CEP44: variants seen among roughly 807,000 people sequenced by gnomAD.
CEP44 encodes the protein centrosomal protein of 44 kDa.
In CEP44, 45 loss-of-function variants were observed where a neutral mutation model predicts 46.7. That is an observed-to-expected ratio of 0.96 (90% CI 0.76 to 1.24). The LOEUF (loss-of-function observed/expected upper bound fraction) is 1.24. Ranked by LOEUF, CEP44 falls within the 50% of genes most tolerant of loss-of-function variation. CEP44 has a pLI of 0.00. For synonymous variants in CEP44, 142 were observed against 146.0 expected (o/e 0.97, Z 0.20); for missense variants, 475 against 459.7 (o/e 1.03, Z -0.30).
downstream of CEP44, among the ~76,000 whole-genome samples, chr4:174,323,094 G>T (rs1227345350): frequency 6.6e-6 from 1 of 151,652 alleles, no homozygotes; most frequent in Non-Finnish European, 1.5e-5. Context: ...GGCATACAAG[G>T]TATTAAAAAA....
In CEP44 at chr4:174,314,062, GC is replaced by G. The variant is rs1274631876; in HGVS notation, c.962-2102del. Reference sequence around the variant, plus strand: ...TTCCCTTCGTGGAATAAGGTGATAAGCCTCCAAAGATGGCAGTGAAAGATTA... The same window carrying G: ...TTCCCTTCGTGGAATAAGGTGATAAGCTCCAAAGATGGCAGTGAAAGATTA... On this transcript the variant is annotated intron_variant, in intron 9 of 11. Coordinates refer to ENST00000503780, the MANE Select transcript of CEP44 (RefSeq NM_001040157.3). The surrounding 1 kb of genome is among the most constrained non-coding windows in gnomAD (Gnocchi z 4.1). 6.6e-6 allele frequency among the ~76,000 whole-genome samples: 1 copy of G among 152,158 alleles called. No homozygotes were observed. The highest frequency in any genetic ancestry group is 2.4e-5 in the African/African-American group (1 of 41,448).
intron 1 of CEP44, among the ~76,000 whole-genome samples, chr4:174,294,864 C>T (rs1196117662): frequency 2.3e-5 from 3 of 132,922 alleles, no homozygotes; most frequent in East Asian, 2.6e-4. Flanking sequence ...CTGATCCCCC[C>T]ACCTCCCTCC....
At chr4:174,291,609 A>C (rs1266866598) in intron 1 of CEP44, among the ~76,000 whole-genome samples, 2 of 151,946 alleles carry the variant, frequency 1.3e-5, no homozygotes, top group African/African-American at 4.8e-5. Context: ...GTTTGCTTTT[A>C]GCAGTGAGAT....
chr4:174,331,381 A>G lies in CEP44; in HGVS notation c.1087-101A>G, dbSNP rs2126709543. 8.2e-7 allele frequency: 1 copy of G among 1,225,166 alleles called. No homozygotes were observed. Among genetic ancestry groups the G allele is most frequent in the Non-Finnish European group, 1.1e-6 (1 of 916,042 alleles). The allele number at this position is 1,225,166 out of a possible 1,614,324, so 75.9% of individuals were successfully genotyped here. On this transcript the variant is annotated intron_variant, in intron 8 of 8. Coordinates refer to the CEP44 transcript ENST00000426172. The surrounding 1 kb of genome is among the most constrained non-coding windows in gnomAD (Gnocchi z 4.5). ...AGAGTACCTATTATGGAAGAGGAGG[A>G]AATATTAATAGCACTCTGACACTGC...
At chr4:174,322,163 A>G (rs1408043022), downstream of CEP44, among the ~76,000 whole-genome samples, 1 of 152,194 alleles carries the variant, frequency 6.6e-6, no homozygotes, top group Non-Finnish European at 1.5e-5. Context: ...GCCATGAGAA[A>G]GTAGAAAAAT....
rs776759740 is a variant in CEP44 at position 174,319,746 on chromosome 4, A to T, written c.*2363A>T. On this transcript the variant is annotated 3_prime_UTR_variant, in exon 12 of 12. Transcript: ENST00000503780. Reference sequence around the variant, plus strand: ...CTAATAGGGACTAAAAATCAACTCAATATATCATACATTTACACTTACAAA... The same window carrying T: ...CTAATAGGGACTAAAAATCAACTCATTATATCATACATTTACACTTACAAA... 2.2e-6 allele frequency: 2 copies of T among 915,224 alleles called. No homozygotes were observed. Among genetic ancestry groups the T allele is most frequent in the African/African-American group, 3.6e-5 (2 of 56,240 alleles). The allele number at this position is 915,224 out of a possible 1,614,324, so 56.7% of individuals were successfully genotyped here.
chr4:174,292,444 T>C (rs1738344467), intron 1 of CEP44, among the ~76,000 whole-genome samples: 1 of 152,218 alleles, frequency 6.6e-6, no homozygotes, highest in African/African-American at 2.4e-5. Context: ...CTAAATGTGC[T>C]TTCTGCCCCC....
chr4:174,296,087 TA>T (rs1738975638), intron 1 of CEP44, among the ~76,000 whole-genome samples: 2 of 152,224 alleles, frequency 1.3e-5, no homozygotes, highest in South Asian at 2.1e-4. Flanking sequence ...TTCAAGATTA[TA>T]AGTAATTCCT....
At chr4:174,327,213 CAGAT>C (rs1560926800) in intron 8 of CEP44, among the ~76,000 whole-genome samples, 3 of 148,932 alleles carry the variant, frequency 2.0e-5, no homozygotes, top group African/African-American at 7.4e-5. Context: ...AGAGAAAAAA[CAGAT>C]AAATGGTATC....
intron 1 of CEP44, among the ~76,000 whole-genome samples, chr4:174,291,774 A>G (rs1409139536): frequency 4.0e-5 from 3 of 74,900 alleles, no homozygotes; most frequent in Non-Finnish European, 9.3e-5. Flanking sequence ...TTATTCTTTT[A>G]TCTTTTTCTT....
chr4:174,297,415 A>G lies in CEP44; in HGVS notation c.-147-551A>G, dbSNP rs1739165466. Among the ~76,000 whole-genome samples the G allele has an allele frequency of 1.3e-5, 2 of 152,196 alleles. No individual in the cohort carries two copies. Among genetic ancestry groups the G allele is most frequent in the Admixed American group, 6.5e-5 (1 of 15,286 alleles). ...TTTGGGCATATATTCAGTTTTAAAC[A>G]TGAGTCTCTAAGAAAAAAAGGTGCC... On this transcript the variant is annotated intron_variant, in intron 1 of 11. Coordinates refer to ENST00000503780, the MANE Select transcript of CEP44 (RefSeq NM_001040157.3). The surrounding 1 kb of genome is among the most constrained non-coding windows in gnomAD (Gnocchi z 4.3).
rs539175279 is a variant in CEP44 at position 174,290,604 on chromosome 4, C to T, written c.-148+6661C>T. Reference sequence around the variant, plus strand: ...TGCAATTTACTTGTTGGTATTCTGTCCGGATGACCAGTACATTATAGACAG... The same window carrying T: ...TGCAATTTACTTGTTGGTATTCTGTTCGGATGACCAGTACATTATAGACAG... On this transcript the variant is annotated intron_variant, in intron 1 of 11. Transcript: ENST00000503780. The surrounding 1 kb of genome is among the most constrained non-coding windows in gnomAD (Gnocchi z 4.3). Among the ~76,000 whole-genome samples, 1 of 151,998 alleles carries T rather than the reference C, an allele frequency of 6.6e-6. No homozygotes were observed. The highest frequency in any genetic ancestry group is 1.9e-4 in the East Asian group (1 of 5,186).
rs1005710645 is a variant in CEP44, at chr4:174,287,966, G to T, written c.-148+4023G>T. On this transcript the variant is annotated intron_variant, in intron 1 of 11. Coordinates refer to ENST00000503780, the MANE Select transcript of CEP44 (RefSeq NM_001040157.3). This position sits in a 1 kb window ranked among gnomAD's most constrained non-coding sequence, Gnocchi z 5.1. Reference sequence around the variant, plus strand: ...TGTGTGTGAGAATGGAAAACTTTGGGTGAAAAGTGAAAACTTGGATTTTGT... The same window carrying T: ...TGTGTGTGAGAATGGAAAACTTTGGTTGAAAAGTGAAAACTTGGATTTTGT... 3.9e-5 allele frequency among the ~76,000 whole-genome samples: 6 copies of T among 152,256 alleles called. No individual in the cohort carries two copies. Among genetic ancestry groups the T allele is most frequent in the Non-Finnish European group, 8.8e-5 (6 of 68,020 alleles).
In CEP44 at chr4:174,301,994, C is replaced by G; in HGVS notation, c.90-45C>G. Reference sequence around the variant, plus strand: ...GATTATCCAACTTTGTGGAATTATGCTTATTAAATGCTTATTAAAAATATT... The same window carrying G: ...GATTATCCAACTTTGTGGAATTATGGTTATTAAATGCTTATTAAAAATATT... On this transcript the variant is annotated intron_variant, in intron 3 of 11. Coordinates refer to ENST00000503780, the MANE Select transcript of CEP44 (RefSeq NM_001040157.3). This position sits in a 1 kb window ranked among gnomAD's most constrained non-coding sequence, Gnocchi z 4.3. 1.3e-6 allele frequency: 2 copies of G among 1,516,246 alleles called. No individual in the cohort carries two copies. The highest frequency in any genetic ancestry group is 1.8e-6 in the Non-Finnish European group (2 of 1,123,660). 93.9% of individuals were successfully genotyped at this position (1,516,246 alleles called of 1,614,324 possible). A position where few individuals can be genotyped will look rare whatever the true frequency, so the allele number is the denominator to read the frequency against.
rs1264543420 is a variant in CEP44 at position 174,312,491 on chromosome 4, A to G, written c.961+1633A>G. ...TTATTTACATACTGTTTTTAGTAAA[A>G]CAAGGTCTTGCTATGTTGCTCAGGC... is the stretch of plus-strand genomic sequence containing the variant. On this transcript the variant is annotated intron_variant, in intron 9 of 11. Transcript: ENST00000503780. The surrounding 1 kb of genome is among the most constrained non-coding windows in gnomAD (Gnocchi z 4.5). Among the ~76,000 whole-genome samples the G allele has an allele frequency of 6.6e-6, 1 of 152,024 alleles. No individual in the cohort carries two copies. Among genetic ancestry groups the G allele is most frequent in the Non-Finnish European group, 1.5e-5 (1 of 67,980 alleles).
intron 6 of CEP44, 34 bp downstream of exon 6, chr4:174,304,403 A>C (rs747078861): frequency 1.3e-6 from 2 of 1,594,306 alleles, no homozygotes; most frequent in East Asian, 4.5e-5. Context: ...CATATTGTTT[A>C]AGAGTTATCT....
rs1329396369 is a variant in CEP44 at position 174,314,777 on chromosome 4, C to G, written c.962-1389C>G. Among the ~76,000 whole-genome samples the G allele has an allele frequency of 2.0e-5, 3 of 152,148 alleles. No individual in the cohort carries two copies. Among genetic ancestry groups the G allele is most frequent in the African/African-American group, 7.2e-5 (3 of 41,418 alleles). On this transcript the variant is annotated intron_variant, in intron 9 of 11. Coordinates refer to ENST00000503780, the MANE Select transcript of CEP44 (RefSeq NM_001040157.3). This position sits in a 1 kb window ranked among gnomAD's most constrained non-coding sequence, Gnocchi z 4.1. ...TTATTTCTTAAAATAACCTCTTGTC[C>G]ATAGCTCCTACTAAAAGATCTGGGT...
intron 6 of CEP44, among the ~76,000 whole-genome samples, chr4:174,307,191 A>C (rs1740509755): frequency 6.6e-6 from 1 of 152,226 alleles, no homozygotes. Flanking sequence ...TGGAGGGATC[A>C]TGCTACCCAA....
rs547995192 is a variant in CEP44 at position 174,302,702 on chromosome 4, A to G, written c.237+516A>G. On this transcript the variant is annotated intron_variant, in intron 4 of 11. Coordinates refer to ENST00000503780, the MANE Select transcript of CEP44 (RefSeq NM_001040157.3). ...TTGATTTTTTTAAAACCCTGCTTTT[A>G]TCATTAATTTTTGCTTAAGTACTGT... Among the ~76,000 whole-genome samples the G allele has an allele frequency of 3.0e-4, 46 of 151,704 alleles. No individual in the cohort carries two copies. In the South Asian group the frequency reaches 9.2e-3, roughly 30 times the overall value.
Sources: gnomAD v4.1 joint callset for allele counts (sites outside exome capture counted in the v4.1 genomes callset) on GRCh38, gnomAD v4.1.1 for gene constraint, Gnocchi (gnomAD v3.1) non-coding constraint, MANE v1.5 for transcripts, NCBI Gene and HGNC (gene_info 2026-07-23, HGNC 2026-07-21) for gene names.